The following NPR1 variants were observed in gnomAD, a reference collection of about 807,000 sequenced individuals.
NPR1 encodes natriuretic peptide receptor 1.
In NPR1, 57 loss-of-function variants were observed where a neutral mutation model predicts 116.9. That is an observed-to-expected ratio of 0.49 (90% CI 0.39 to 0.61). The LOEUF (loss-of-function observed/expected upper bound fraction) is 0.61. Among genes scored for constraint, NPR1 ranks in the 20% least tolerant of loss-of-function variants. The pLI is 0.00. For synonymous variants in NPR1, 555 were observed against 601.6 expected (o/e 0.92, Z 1.13); for missense variants, 1,096 against 1,409.8 (o/e 0.78, Z 3.56).
Position 153,679,613 on chromosome 1 carries a change from G to T in NPR1, c.505G>T (p.Val169Leu). ...GPSYAKLGDF[V>L]AALHRRLGWE... Reference sequence around the variant, plus strand: ...CAGCTACGCCAAGCTGGGGGACTTCGTGGCGGCGCTGCACCGACGGCTGGG... The same window carrying T: ...CAGCTACGCCAAGCTGGGGGACTTCTTGGCGGCGCTGCACCGACGGCTGGG... The change falls in exon 1 of 22, where the codon GTG (valine) becomes TTG (leucine). Residue 169 changes from valine to leucine, a missense_variant. Transcript: ENST00000368680. The surrounding 1 kb of genome is among the most constrained non-coding windows in gnomAD (Gnocchi z 4.2). The T allele has an allele frequency of 6.3e-7, 1 of 1,586,150 alleles. No homozygotes were observed. Among genetic ancestry groups the T allele is most frequent in the Non-Finnish European group, 8.6e-7 (1 of 1,169,120 alleles).
Position 153,681,289 on chromosome 1 carries a change from G to T in NPR1, c.1031G>T (p.Gly344Val), listed in dbSNP as rs17855820. The change falls in exon 3 of 22, where the codon GGC becomes GTC. Residue 344 changes from glycine (G) to valine (V), a missense_variant. Coordinates refer to ENST00000368680, the MANE Select transcript of NPR1 (RefSeq NM_000906.4). ...CAGTTCAACTTCACCATGGAGGATGGCCTGGTAAGAAGGGGTCCCGGGACC... is the reference window on the plus strand; with the variant it reads ...CAGTTCAACTTCACCATGGAGGATGTCCTGGTAAGAAGGGGTCCCGGGACC... ...YEQFNFTMEDGLVNTIPASFH... is the reference protein window; with the variant it reads ...YEQFNFTMEDVLVNTIPASFH... The T allele has an allele frequency of 3.1e-6, 5 of 1,600,032 alleles. No individual in the cohort carries two copies. Among genetic ancestry groups the T allele is most frequent in the Non-Finnish European group, 4.3e-6 (5 of 1,167,408 alleles).
chr1:153,688,754 T>TGAA, intron 15 of NPR1, 199 bp from the exon 16 acceptor site: 1 of 620,462 alleles, frequency 1.6e-6, no homozygotes, highest in Non-Finnish European at 2.8e-6. Context: ...GCTTCATACT[T>TGAA]GACCTTGGGG....
At chr1:153,682,385 A>G (rs1299067127) in intron 4 of NPR1, 113 bp from the exon 5 acceptor site, 6 of 746,924 alleles carry the variant, frequency 8.0e-6, no homozygotes, top group Middle Eastern at 2.3e-4. Context: ...ATCATTCTGT[A>G]TACATGTATG....
chr1:153,686,575 C>A, intron 10 of NPR1, 71 bp from the exon 11 acceptor site: 3 of 1,245,184 alleles, frequency 2.4e-6, no homozygotes, highest in Middle Eastern at 1.9e-4. Flanking sequence ...AGTGAGGGTC[C>A]CTGAAGCTAG....
chr1:153,687,386 GC>G, intron 13 of NPR1, 30 bp downstream of exon 13: 1 of 1,610,238 alleles, frequency 6.2e-7, no homozygotes, highest in Non-Finnish European at 8.5e-7. Context: ...CCTAACACCT[GC>G]CCCCAGCACC....
rs57627617 is a variant in NPR1, at chr1:153,683,592, T to C, written c.1399+81T>C. ...AAGCACAGTCGAGTAGGTGCTCCTG[T>C]CCCATGCTGAGGGCTTTCTGGAGAA... On this transcript the variant is annotated intron_variant, in intron 6 of 21. Coordinates refer to ENST00000368680, the MANE Select transcript of NPR1 (RefSeq NM_000906.4). 7.2e-3 allele frequency: 11,426 copies of C among 1,586,876 alleles called. 660 individuals carry two copies. The African/African-American group carries it at 0.13, about 18-fold the overall frequency.
intron 7 of NPR1, among the ~76,000 whole-genome samples, chr1:153,684,194 T>C (rs1161249992): frequency 6.6e-6 from 1 of 152,042 alleles, no homozygotes; most frequent in Non-Finnish European, 1.5e-5. Flanking sequence ...TGAGCCCTGG[T>C]GTGTGCCAGG....
intron 10 of NPR1, 150 bp from the exon 11 acceptor site, chr1:153,686,496 G>A: frequency 1.4e-6 from 1 of 720,848 alleles, no homozygotes; most frequent in South Asian, 1.7e-5. Context: ...GTGGGCTAAA[G>A]GACATGGGTG....
chr1:153,687,150 G>C, intron 12 of NPR1, 50 bp from the exon 13 acceptor site: 2 of 1,613,938 alleles, frequency 1.2e-6, no homozygotes, highest in Non-Finnish European at 1.7e-6. Context: ...TCCTGGCCAC[G>C]GGTGTAGGTC....
In NPR1 at chr1:153,683,508, C is replaced by A. The variant is rs774204122; in HGVS notation, c.1396C>A (p.Gln466Lys). The stretch of plus-strand genomic sequence containing the variant: ...TGACAACGAAGACCCAGCATGCAAC[C>A]AAGGTGACTGCCCCTTGCCTTCCAG... The part of the protein sequence containing the change: ...GFDNEDPACN[Q>K]DHLSTLEVLA... Residue 466 changes from glutamine (Q) to lysine (K), a missense_variant, in exon 6 of 22, where the codon CAA becomes AAA. Physicochemically the swap from Gln to Lys is moderately conservative, Grantham distance 53. Transcript: ENST00000368680. The A allele has an allele frequency of 4.3e-6, 7 of 1,614,138 alleles. No homozygotes were observed. The highest frequency in any genetic ancestry group is 1.7e-5 in the Admixed American group (1 of 60,026).
chr1:153,688,888 C>T (rs1317649555), intron 15 of NPR1, 65 bp from the exon 16 acceptor site: 18 of 1,569,510 alleles, frequency 1.1e-5, no homozygotes, highest in Middle Eastern at 3.4e-4. Context: ...TGCCTAGGGG[C>T]GGGCGCTCAC....
intron 2 of NPR1, 100 bp downstream of exon 2, chr1:153,680,800 T>A: frequency 1.0e-6 from 1 of 995,834 alleles, no homozygotes; most frequent in Non-Finnish European, 1.4e-6. Context: ...GAAAAGAGGT[T>A]TTTGTCTGTT....
chr1:153,692,949 TG>T (rs1385692000), intron 20 of NPR1, among the ~76,000 whole-genome samples, 156 bp from the exon 21 acceptor site: 1 of 152,002 alleles, frequency 6.6e-6, no homozygotes, highest in Non-Finnish European at 1.5e-5. Flanking sequence ...ATTCAGGGGG[TG>T]GGGCCCCTCT....
In NPR1 at chr1:153,687,085, A is replaced by G; in HGVS notation, c.1933A>G (p.Lys645Glu). Reference sequence around the variant, plus strand: ...GTACTCACTCACCAATGACATCGTCAAGGTATGCCCCTAAGCACCTATTGG... The same window carrying G: ...GTACTCACTCACCAATGACATCGTCGAGGTATGCCCCTAAGCACCTATTGG... Reference protein sequence around the residue: ...FRYSLTNDIVKGMLFLHNGAI... With the variant: ...FRYSLTNDIVEGMLFLHNGAI... Residue 645 changes from lysine to glutamate, a missense_variant and splice_region_variant, in exon 12 of 22, where the codon AAG (lysine) becomes GAG (glutamate). Transcript: ENST00000368680. 2 of 1,614,130 alleles carry G rather than the reference A, an allele frequency of 1.2e-6. No individual in the cohort carries two copies. Among genetic ancestry groups the G allele is most frequent in the Non-Finnish European group, 1.7e-6 (2 of 1,179,988 alleles).
rs1232615591 is a variant in NPR1, at chr1:153,687,650, C to T, written c.2109C>T (p.Ala703=). ...HTVYAKKLWT[A]PELLRMASPP... is the part of the protein sequence containing the mutation. Reference sequence around the variant, plus strand: ...GACCCACAGAAAAGCTGTGGACGGCCCCTGAGCTCCTGCGAATGGCTTCAC... The same window carrying T: ...GACCCACAGAAAAGCTGTGGACGGCTCCTGAGCTCCTGCGAATGGCTTCAC... Residue 703 remains alanine, a synonymous_variant, in exon 14 of 22, where the codon GCC becomes GCT. Transcript: ENST00000368680. 7 of 1,593,184 alleles carry T rather than the reference C, an allele frequency of 4.4e-6. No homozygotes were observed. The highest frequency in any genetic ancestry group is 1.7e-5 in the Admixed American group (1 of 58,296).
chr1:153,679,873 C>G lies in NPR1; in HGVS notation c.721+44C>G. ...CCGTCCCGCCGCTTAGCCGCAGGGCCTCCCCTCTGACCTGCCGGAGGCATC... is the reference window on the plus strand; with the variant it reads ...CCGTCCCGCCGCTTAGCCGCAGGGCGTCCCCTCTGACCTGCCGGAGGCATC... On this transcript the variant is annotated intron_variant, in intron 1 of 21. Coordinates refer to ENST00000368680, the MANE Select transcript of NPR1 (RefSeq NM_000906.4). The surrounding 1 kb of genome is among the most constrained non-coding windows in gnomAD (Gnocchi z 4.2). 6.5e-7 allele frequency: 1 copy of G among 1,529,326 alleles called. No homozygotes were observed. Among genetic ancestry groups the G allele is most frequent in the Non-Finnish European group, 8.7e-7 (1 of 1,144,478 alleles). 94.7% of individuals were successfully genotyped at this position (1,529,326 alleles called of 1,614,324 possible). A position where few individuals can be genotyped will look rare whatever the true frequency, so the allele number is the denominator to read the frequency against.
At chr1:153,682,655 C>A (rs566924829) in intron 5 of NPR1, 66 bp downstream of exon 5, 37 of 1,195,198 alleles carry the variant, frequency 3.1e-5, no homozygotes, top group African/African-American at 4.5e-5. Flanking sequence ...ACTTCCCCCC[C>A]ACAGCCCTGC....
Position 153,681,768 on chromosome 1 carries a change from C to T in NPR1, c.1100C>T (p.Thr367Ile), listed in dbSNP as rs370385818. The change falls in exon 4 of 22, where the codon ACT becomes ATT. Residue 367 changes from threonine (T) to isoleucine (I), a missense_variant. Thr to Ile is a moderately conservative substitution (Grantham distance 89). Transcript: ENST00000368680. ...CTCTATATCCAGGCAGTGACGGAGACTCTGGCACATGGGGGAACTGTTACT... is the reference window on the plus strand; with the variant it reads ...CTCTATATCCAGGCAGTGACGGAGATTCTGGCACATGGGGGAACTGTTACT... Reference protein sequence around the residue: ...LLLYIQAVTETLAHGGTVTDG... With the variant: ...LLLYIQAVTEILAHGGTVTDG... 6 of 1,613,924 alleles carry T rather than the reference C, an allele frequency of 3.7e-6. No homozygotes were observed. The highest frequency in any genetic ancestry group is 5.1e-6 in the Non-Finnish European group (6 of 1,180,024).
chr1:153,692,399 G>A (rs1670131136), intron 20 of NPR1, among the ~76,000 whole-genome samples: 1 of 152,042 alleles, frequency 6.6e-6, no homozygotes, highest in African/African-American at 2.4e-5. Context: ...CCAACAGGAT[G>A]TTCCATAGTC....
Sources: gnomAD v4.1 joint callset for allele counts (sites outside exome capture counted in the v4.1 genomes callset) on GRCh38, gnomAD v4.1.1 for gene constraint, Gnocchi (gnomAD v3.1) non-coding constraint, MANE v1.5 for transcripts, NCBI Gene and HGNC (gene_info 2026-07-23, HGNC 2026-07-21) for gene names.